DYM: variants seen among roughly 807,000 people sequenced by gnomAD.
DYM encodes dymeclin.
Under a neutral mutation model 93.1 loss-of-function variants are expected in DYM, and 78 were observed. That is an observed-to-expected ratio of 0.84 (90% confidence interval 0.70 to 1.01). The LOEUF is 1.01. Among genes scored for constraint, DYM ranks in the 50% least tolerant of loss-of-function variants. DYM has a pLI of 0.00. For synonymous variants in DYM, 321 were observed against 319.7 expected, an observed-to-expected ratio of 1.00 and a Z score of -0.04; for missense variants, 789 against 845.0, an observed-to-expected ratio of 0.93 and a Z score of 0.82.
intron 15 of DYM, among the ~76,000 whole-genome samples, chr18:49,152,805 C>T (rs902104716): frequency 1.3e-5 from 2 of 152,128 alleles, no homozygotes; most frequent in Non-Finnish European, 2.9e-5. Context: ...ATAAGGAGAT[C>T]CTATCATTTG....
intron 3 of DYM, among the ~76,000 whole-genome samples, chr18:49,383,253 T>C (rs1276236132): frequency 6.6e-6 from 1 of 152,244 alleles, no homozygotes; most frequent in Non-Finnish European, 1.5e-5. Flanking sequence ...TATTTTGTGA[T>C]ATTAAAAGTT....
At chr18:49,368,975 T>C (rs1256008373) in intron 5 of DYM, among the ~76,000 whole-genome samples, 1 of 152,256 alleles carries the variant, frequency 6.6e-6, no homozygotes, top group Non-Finnish European at 1.5e-5. Flanking sequence ...TCCTTGGCTC[T>C]CCACTGACCT....
intron 10 of DYM, among the ~76,000 whole-genome samples, chr18:49,278,069 T>C (rs1027949728): frequency 2.0e-5 from 3 of 152,080 alleles, no homozygotes; most frequent in African/African-American, 7.2e-5. Context: ...AAACTTAGCA[T>C]GAAAACAAAA....
intron 14 of DYM, among the ~76,000 whole-genome samples, chr18:49,202,712 A>G (rs1298515270): frequency 1.4e-5 from 1 of 71,246 alleles, no homozygotes; most frequent in Non-Finnish European, 2.8e-5. Context: ...AGGAGCGTCT[A>G]TGCCTGGCCG....
intron 3 of DYM, among the ~76,000 whole-genome samples, chr18:49,388,198 C>A (rs1257759193): frequency 6.6e-6 from 1 of 152,028 alleles, no homozygotes; most frequent in Non-Finnish European, 1.5e-5. Flanking sequence ...GGCATGGTGA[C>A]ATATGCCTGT....
intron 15 of DYM, among the ~76,000 whole-genome samples, chr18:49,142,710 G>A (rs1224781318): frequency 6.6e-6 from 1 of 152,144 alleles, no homozygotes; most frequent in East Asian, 1.9e-4. Flanking sequence ...TAAACAACAA[G>A]TCCTTTTTGG....
intron 17 of DYM, among the ~76,000 whole-genome samples, chr18:49,051,596 TAGAC>T (rs2144371754): frequency 6.6e-6 from 1 of 152,348 alleles, no homozygotes; most frequent in African/African-American, 2.4e-5. Flanking sequence ...GATTTCTACT[TAGAC>T]AGACTTTGCA....
chr18:49,283,607 G>T (rs1381077126), intron 9 of DYM, among the ~76,000 whole-genome samples: 1 of 152,048 alleles, frequency 6.6e-6, no homozygotes, highest in Non-Finnish European at 1.5e-5. Flanking sequence ...AAGTTCAATG[G>T]ACTCAGAGAA....
At chr18:49,155,903 C>A (rs2086356944) in intron 15 of DYM, among the ~76,000 whole-genome samples, 1 of 152,112 alleles carries the variant, frequency 6.6e-6, no homozygotes. Context: ...CATATGTTTT[C>A]AATTCATTTG....
intron 14 of DYM, among the ~76,000 whole-genome samples, chr18:49,171,275 G>T (rs1241184910): frequency 6.6e-6 from 1 of 152,178 alleles, no homozygotes; most frequent in African/African-American, 2.4e-5. Flanking sequence ...GGGAGGGGGT[G>T]TGGAGGTTCT....
intron 13 of DYM, among the ~76,000 whole-genome samples, chr18:49,248,162 T>C (rs1475338615): frequency 6.6e-6 from 1 of 152,246 alleles, no homozygotes; most frequent in African/African-American, 2.4e-5. Context: ...ATTGCTCAGA[T>C]CTCCTACCAA....
chr18:49,079,316 C>G (rs2077580366), intron 17 of DYM, among the ~76,000 whole-genome samples: 1 of 151,864 alleles, frequency 6.6e-6, no homozygotes. Context: ...AAAATGTGTT[C>G]CATTTTCTTG....
intron 10 of DYM, among the ~76,000 whole-genome samples, chr18:49,281,714 G>A (rs916322249): frequency 6.6e-6 from 1 of 152,128 alleles, no homozygotes; most frequent in Non-Finnish European, 1.5e-5. Context: ...CAAAAAACCA[G>A]ACACTGCATG....
intron 14 of DYM, among the ~76,000 whole-genome samples, chr18:49,202,441 T>C (rs995053949): frequency 8.4e-5 from 12 of 143,568 alleles, no homozygotes; most frequent in African/African-American, 2.3e-4. Flanking sequence ...GGAGTGTCTC[T>C]GCCTGGCCGC....
chr18:49,439,608 A>T (rs2148557632), intron 1 of DYM, among the ~76,000 whole-genome samples: 1 of 152,336 alleles, frequency 6.6e-6, no homozygotes, highest in African/African-American at 2.4e-5. Flanking sequence ...CTCACAGCTA[A>T]TAAATATATG....
intron 6 of DYM, among the ~76,000 whole-genome samples, chr18:49,352,916 T>C (rs2065233915): frequency 6.6e-6 from 1 of 152,136 alleles, no homozygotes; most frequent in Non-Finnish European, 1.5e-5. Context: ...TTTATTGAAA[T>C]ACAATATATC....
rs756929372 is a variant in DYM, at chr18:49,118,892, C to T, written c.1763G>A (p.Arg588Gln). Residue 588 changes from arginine (R) to glutamine (Q), a missense_variant, in exon 16 of 18, where the codon CGA (arginine) becomes CAA (glutamine). Arg to Gln is a conservative substitution (Grantham distance 43). Coordinates refer to ENST00000675505, the MANE Select transcript of DYM (RefSeq NM_001353214.3). ...GGAGTTGATGATCTCTAACATCATT[C>T]GAATCACTTCTTCAATGACATTTAG... ...QDLNVIEEVI[R>Q]MMLEIINSCL... The T allele has an allele frequency of 6.2e-6, 10 of 1,613,894 alleles. No individual in the cohort carries two copies. In the African/African-American group the frequency reaches 8.0e-5, roughly 13 times the overall value.
At chr18:49,160,916 G>A (rs2087027061) in intron 15 of DYM, among the ~76,000 whole-genome samples, 1 of 152,106 alleles carries the variant, frequency 6.6e-6, no homozygotes, top group South Asian at 2.1e-4. Context: ...ACTGCTGTTT[G>A]TTTAATCACC....
intron 16 of DYM, among the ~76,000 whole-genome samples, chr18:49,110,372 T>C (rs1197479461): frequency 6.6e-6 from 1 of 152,254 alleles, no homozygotes; most frequent in African/African-American, 2.4e-5. Flanking sequence ...GTTCTTCTGT[T>C]TGAATAACTT....
Sources: gnomAD v4.1 joint callset for allele counts (sites outside exome capture counted in the v4.1 genomes callset) on GRCh38, gnomAD v4.1.1 for gene constraint, MANE v1.5 for transcripts, NCBI Gene and HGNC (gene_info 2026-07-23, HGNC 2026-07-21) for gene names.